The following CUX1 variants were observed in gnomAD, a reference collection of about 807,000 sequenced individuals.
The protein encoded by CUX1 is cut like homeobox 1.
CUX1 carries 31 observed loss-of-function variants against 158.8 expected under a neutral mutation model. The observed-to-expected ratio is 0.20, with a 90% CI of 0.15 to 0.26. The LOEUF (loss-of-function observed/expected upper bound fraction) is 0.26, where lower values mean the gene tolerates loss of function less well. Ranked by LOEUF, CUX1 falls within the 10% of genes least tolerant of loss-of-function variation. The probability of loss-of-function intolerance (pLI) is 1.00; values close to 1 mark genes in which losing one functional copy is unlikely to be tolerated. For missense variants in CUX1, 1,589 were observed against 2,014.6 expected (o/e 0.79, Z 4.04); for synonymous variants, 879 against 862.1 (o/e 1.02, Z -0.34).
At chr7:102,008,976 G>A (rs1471237468) in intron 2 of CUX1, among the ~76,000 whole-genome samples, 4 of 152,148 alleles carry the variant, frequency 2.6e-5, no homozygotes, top group Non-Finnish European at 5.9e-5. Context: ...CAGCAGGGGA[G>A]AGAAGGGAGG....
chr7:101,953,955 A>G (rs989429036), intron 2 of CUX1, among the ~76,000 whole-genome samples: 2 of 152,186 alleles, frequency 1.3e-5, no homozygotes, highest in African/African-American at 4.8e-5. Context: ...TGGAAGACCA[A>G]GTAAATTCAG....
At chr7:102,153,485 C>G (rs1835918363) in intron 8 of CUX1, 1 of 152,270 alleles carries the variant, frequency 6.6e-6, no homozygotes, top group South Asian at 2.1e-4. Flanking sequence ...ACGGTGTCCT[C>G]CTGTTGCTGC....
chr7:102,155,086 A>G (rs961932314), intron 8 of CUX1, among the ~76,000 whole-genome samples: 5 of 152,226 alleles, frequency 3.3e-5, no homozygotes, highest in Non-Finnish European at 4.4e-5. Flanking sequence ...CTAAGCCTGC[A>G]TCTCTATGTG....
At chr7:101,828,201 C>G (rs1793600371) in intron 1 of CUX1, among the ~76,000 whole-genome samples, 2 of 151,862 alleles carry the variant, frequency 1.3e-5, no homozygotes, top group East Asian at 3.9e-4. Context: ...AATTCCTGAC[C>G]TCAGATGATC....
At chr7:102,205,201 G>A in intron 20 of CUX1, 31 bp downstream of exon 20, 3 of 1,525,284 alleles carry the variant, frequency 2.0e-6, no homozygotes, top group South Asian at 2.2e-5. Flanking sequence ...GCTTTTGCAT[G>A]AAATGTCTCA....
In CUX1 at chr7:101,957,224, T is replaced by C. The variant is rs114692107; in HGVS notation, c.141+40999T>C. 7.0e-3 allele frequency among the ~76,000 whole-genome samples: 1,062 copies of C among 152,228 alleles called. 17 individuals are homozygous for C. Among genetic ancestry groups the C allele is most frequent in the African/African-American group, 0.024 (1,017 of 41,540 alleles). On this transcript the variant is annotated intron_variant, in intron 2 of 23. Transcript: ENST00000292535. ...AATGAAAGAAAAATGTTCAAAAATA[T>C]AAAGACAAGATGAATATATAGACAT... is the stretch of plus-strand genomic sequence containing the variant.
At chr7:102,094,610 A>G (rs1381529861) in intron 4 of CUX1, among the ~76,000 whole-genome samples, 2 of 152,180 alleles carry the variant, frequency 1.3e-5, no homozygotes, top group Non-Finnish European at 2.9e-5. Flanking sequence ...TGTTGACAGA[A>G]CTTTTAGGGA....
At chr7:102,112,355 C>A (rs374301981) in intron 7 of CUX1, among the ~76,000 whole-genome samples, 9 of 151,038 alleles carry the variant, frequency 6.0e-5, no homozygotes, top group African/African-American at 1.5e-4. Context: ...CATTCTCCTG[C>A]CTCAGCCTCC....
intron 2 of CUX1, among the ~76,000 whole-genome samples, chr7:101,989,352 T>C (rs1814786988): frequency 6.6e-6 from 1 of 152,232 alleles, no homozygotes. Flanking sequence ...GCTGACCGTG[T>C]GCCGAGGCTC....
chr7:101,950,812 A>G (rs1008879164), intron 2 of CUX1, among the ~76,000 whole-genome samples: 1 of 152,088 alleles, frequency 6.6e-6, no homozygotes, highest in African/African-American at 2.4e-5. Context: ...TTGCCTCCCA[A>G]AGTGCTGGGA....
At chr7:102,199,075 G>T (rs1038296972) in intron 16 of CUX1, among the ~76,000 whole-genome samples, 6 of 152,126 alleles carry the variant, frequency 3.9e-5, no homozygotes, top group Non-Finnish European at 7.4e-5. Flanking sequence ...CACAGGCGGG[G>T]GTGAGAAGAG....
intron 1 of CUX1, among the ~76,000 whole-genome samples, chr7:101,825,563 C>T (rs1793155725): frequency 6.6e-6 from 1 of 152,140 alleles, no homozygotes; most frequent in Non-Finnish European, 1.5e-5. Context: ...GGTCCTCAGC[C>T]CTGGTCCCGC....
At chr7:102,247,212 G>GAA (rs782608499) in intron 23 of CUX1, among the ~76,000 whole-genome samples, 8 of 133,760 alleles carry the variant, frequency 6.0e-5, no homozygotes, top group African/African-American at 1.7e-4. Flanking sequence ...ATAAGGAAAG[G>GAA]AAAAAAAAAA....
At chr7:102,170,425 A>T in intron 9 of CUX1, 21 bp from the exon 10 acceptor site, 1 of 1,497,138 alleles carries the variant, frequency 6.7e-7, no homozygotes, top group Non-Finnish European at 9.1e-7. Context: ...TTTCTCTTTC[A>T]CCCCTTTTCA....
At chr7:102,111,377 G>A (rs1830862374) in intron 6 of CUX1, among the ~76,000 whole-genome samples, 1 of 152,094 alleles carries the variant, frequency 6.6e-6, no homozygotes, top group Non-Finnish European at 1.5e-5. Context: ...AACAATGAGT[G>A]CATGATGATG....
intron 5 of CUX1, among the ~76,000 whole-genome samples, chr7:102,098,790 G>A (rs894809775): frequency 2.8e-5 from 4 of 143,362 alleles, no homozygotes; most frequent in Admixed American, 2.2e-4. Context: ...ACAGGAGCCC[G>A]CCACCACGCC....
At chr7:102,231,752 C>G (rs113278926) in intron 21 of CUX1, among the ~76,000 whole-genome samples, 12,215 of 143,986 alleles carry the variant, frequency 0.085, 646 homozygotes, top group African/African-American at 0.14. Flanking sequence ...CTCGCTCTGT[C>G]ACCCAGGCTG....
At chr7:102,229,273 G>A (rs1798693900) in intron 21 of CUX1, among the ~76,000 whole-genome samples, 1 of 150,942 alleles carries the variant, frequency 6.6e-6, no homozygotes, top group Non-Finnish European at 1.5e-5. Context: ...ATCAGCTGCT[G>A]TGGCTGTAAG....
At chr7:101,870,335 T>C (rs1002257562) in intron 1 of CUX1, among the ~76,000 whole-genome samples, 5 of 151,760 alleles carry the variant, frequency 3.3e-5, no homozygotes, top group Non-Finnish European at 5.9e-5. Context: ...TTTTGTATTT[T>C]GTTGTTGTTG....
Sources: allele counts gnomAD v4.1 joint callset (sites outside exome capture counted in the v4.1 genomes callset), GRCh38; gene constraint gnomAD v4.1.1; transcripts MANE v1.5; gene names NCBI Gene and HGNC (gene_info 2026-07-23, HGNC 2026-07-21).